Variants in ITPRID2 observed in about 807,000 individuals in gnomAD.
The protein encoded by ITPRID2 is ITPR interacting domain containing 2, also known as protein ITPRID2.
ITPRID2 carries 60 observed loss-of-function variants against 124.3 expected under a neutral mutation model. The observed-to-expected ratio is 0.48, with a 90% CI of 0.39 to 0.60. ITPRID2 has a LOEUF of 0.60. Among genes scored for constraint, ITPRID2 ranks in the 20% least tolerant of loss-of-function variants. ITPRID2 has a pLI of 0.00. For missense variants in ITPRID2, 1,553 were observed against 1,512.2 expected, an observed-to-expected ratio of 1.03 and a Z score of -0.45; for synonymous variants, 521 against 542.9, an observed-to-expected ratio of 0.96 and a Z score of 0.56.
Position 181,896,989 on chromosome 2 carries a change from T to G in ITPRID2, c.364+25T>G. 1 of 1,600,502 alleles carries G rather than the reference T, an allele frequency of 6.2e-7. No homozygotes were observed. On this transcript the variant is annotated intron_variant, in intron 4 of 17. Transcript: ENST00000431877. This position sits in a 1 kb window ranked among gnomAD's most constrained non-coding sequence, Gnocchi z 4.3. ...GGTATGTTTGTTTGGAAGAACTGTA[T>G]TTTTGTGTAGTTTTCAAATTTAAAA...
chr2:181,928,268 A>G lies in ITPRID2; in HGVS notation c.*3A>G, dbSNP rs1481253866. 2.6e-6 allele frequency: 4 copies of G among 1,519,668 alleles called. No individual in the cohort carries two copies. Among genetic ancestry groups the G allele is most frequent in the Non-Finnish European group, 2.7e-6 (3 of 1,130,122 alleles). 94.1% of individuals were successfully genotyped at this position (1,519,668 alleles called of 1,614,324 possible). A position where few individuals can be genotyped will look rare whatever the true frequency, so the allele number is the denominator to read the frequency against. On this transcript the variant is annotated 3_prime_UTR_variant, in exon 17 of 18. Transcript: ENST00000431877. Reference sequence around the variant, plus strand: ...ATTCTAAGCAAGATTATCATTAAACAGAAATTATAGGTAAATTTTTCTGAG... The same window carrying G: ...ATTCTAAGCAAGATTATCATTAAACGGAAATTATAGGTAAATTTTTCTGAG...
chr2:181,912,061 C>G (rs960870347), intron 9 of ITPRID2, among the ~76,000 whole-genome samples: 3 of 152,220 alleles, frequency 2.0e-5, no homozygotes, highest in African/African-American at 7.2e-5. Flanking sequence ...GCTGCTCACT[C>G]TGTCTTCCCT....
At chr2:181,901,622 G>A (rs1030303885) in intron 7 of ITPRID2, 144 bp from the exon 8 acceptor site, 24 of 541,912 alleles carry the variant, frequency 4.4e-5, no homozygotes, top group Non-Finnish European at 6.4e-5. Context: ...GAAGGTTTAA[G>A]TGTTAGATGA....
rs1374585457 is a variant in ITPRID2, at chr2:181,928,207, G to C, written c.3722G>C (p.Gly1241Ala). Residue 1241 changes from glycine (G) to alanine (A), a missense_variant, in exon 17 of 18, where the codon GGA (glycine) becomes GCA (alanine). By Grantham distance (60) the Gly-to-Ala change is moderately conservative. Coordinates refer to ENST00000431877, the MANE Select transcript of ITPRID2 (RefSeq NM_001130445.3). ...GAAATCAGACGGGAAATTGTAAGTG[G>C]ACTTTTGGCAGCAGTATCTTCAAGT... ...VGEIRREIVS[G>A]LLAAVSSSKA... 3 of 1,550,570 alleles carry C rather than the reference G, an allele frequency of 1.9e-6. No individual in the cohort carries two copies. The highest frequency in any genetic ancestry group is 2.7e-5 in the African/African-American group (2 of 72,990).
chr2:181,929,460 G>A (rs901456181), intron 17 of ITPRID2, 101 bp from the exon 18 acceptor site: 1 of 681,968 alleles, frequency 1.5e-6, no homozygotes, highest in Non-Finnish European at 2.5e-6. Flanking sequence ...TCATGTTTCT[G>A]TGTATATATA....
At chr2:181,914,893 G>C (rs1159893174) in intron 10 of ITPRID2, among the ~76,000 whole-genome samples, 1 of 152,170 alleles carries the variant, frequency 6.6e-6, no homozygotes, top group East Asian at 1.9e-4. Context: ...ATACAAGGAA[G>C]TTTTTAGATG....
At chr2:181,928,136 T>C (rs979924072) in intron 16 of ITPRID2, 25 bp from the exon 17 acceptor site, 3 of 1,430,096 alleles carry the variant, frequency 2.1e-6, no homozygotes, top group Non-Finnish European at 1.9e-6. Context: ...TGGTAAATTT[T>C]TGTTTTATTG....
In ITPRID2 at chr2:181,909,881, C is replaced by A; in HGVS notation, c.1414-18C>A. The A allele has an allele frequency of 6.2e-7, 1 of 1,604,354 alleles. No homozygotes were observed. Among genetic ancestry groups the A allele is most frequent in the Non-Finnish European group, 8.5e-7 (1 of 1,171,868 alleles). ...CCTTAGATTCATTTGGTTTTAACTA[C>A]TTAAAACTCTTCTTAAGGTTCAAAG... On this transcript the variant is annotated intron_variant, in intron 8 of 17. Coordinates refer to ENST00000431877, the MANE Select transcript of ITPRID2 (RefSeq NM_001130445.3).
chr2:181,919,176 A>C lies in ITPRID2; in HGVS notation c.2994-120A>C. On this transcript the variant is annotated intron_variant, in intron 13 of 17. Transcript: ENST00000431877. This position sits in a 1 kb window ranked among gnomAD's most constrained non-coding sequence, Gnocchi z 4.2. ...CACCTATTGTAGTTGATATTGTACT[A>C]ATTTCTAGAACCTGAGATTTCCATG... 1.7e-6 allele frequency: 2 copies of C among 1,162,666 alleles called. No individual in the cohort carries two copies. The highest frequency in any genetic ancestry group is 2.5e-6 in the Non-Finnish European group (2 of 815,714). 72.0% of individuals were successfully genotyped at this position (1,162,666 alleles called of 1,614,324 possible).
In ITPRID2 at chr2:181,904,631, G is replaced by A. The variant is rs141169450; in HGVS notation, c.1413+2165G>A. ...GTAGTTTGTTGCTATTTTTCTTTTG[G>A]ACCTCTTTCCATGAGGTTTGATTCT... On this transcript the variant is annotated intron_variant, in intron 8 of 17. Coordinates refer to ENST00000431877, the MANE Select transcript of ITPRID2 (RefSeq NM_001130445.3). Among the ~76,000 whole-genome samples, 545 of 152,162 alleles carry A rather than the reference G, an allele frequency of 3.6e-3. 2 individuals are homozygous for A. Among genetic ancestry groups the A allele is most frequent in the Middle Eastern group, 6.8e-3 (2 of 294 alleles).
At chr2:181,895,989 C>T in intron 2 of ITPRID2, 41 bp from the exon 3 acceptor site, 2 of 1,574,214 alleles carry the variant, frequency 1.3e-6, no homozygotes, top group South Asian at 1.1e-5. Flanking sequence ...TTCCAAATAG[C>T]CTTTCACAAG....
At position 181,922,233 on chromosome 2, in the gene ITPRID2, G is replaced by A; in HGVS notation, c.3496G>A (p.Val1166Met). Reference sequence around the variant, plus strand: ...AACAGCTCCTTCTAGAACAGGCTCTGTGCAGACACCTCCAGATTTGGAAAG... The same window carrying A: ...AACAGCTCCTTCTAGAACAGGCTCTATGCAGACACCTCCAGATTTGGAAAG... ...TPTAPSRTGS[V>M]QTPPDLESSE... is the part of the protein sequence containing the mutation. Residue 1166 changes from valine (V) to methionine (M), a missense_variant, in exon 16 of 18, where the codon GTG becomes ATG. Physicochemically the swap from Val to Met is conservative, Grantham distance 21. Transcript: ENST00000431877. The A allele has an allele frequency of 6.2e-7, 1 of 1,614,238 alleles. No homozygotes were observed. Among genetic ancestry groups the A allele is most frequent in the African/African-American group, 1.3e-5 (1 of 75,056 alleles).
Position 181,929,680 on chromosome 2 carries a change from C to T in ITPRID2, c.*133C>T. On this transcript the variant is annotated 3_prime_UTR_variant, in exon 18 of 18. Transcript: ENST00000431877. ...GAGCTGGGCTACTGTATACAGTGTA[C>T]AATGTGTATTTCTTCAACCATATAT... The T allele has an allele frequency of 2.0e-6, 3 of 1,482,306 alleles. No individual in the cohort carries two copies. Among genetic ancestry groups the T allele is most frequent in the Non-Finnish European group, 2.8e-6 (3 of 1,081,958 alleles). The allele number at this position is 1,482,306 out of a possible 1,614,324, so 91.8% of individuals were successfully genotyped here.
In ITPRID2 at chr2:181,916,075, C is replaced by G; in HGVS notation, c.2435C>G (p.Ala812Gly). The G allele has an allele frequency of 6.2e-7, 1 of 1,614,112 alleles. No individual in the cohort carries two copies. Among genetic ancestry groups the G allele is most frequent in the Non-Finnish European group, 8.5e-7 (1 of 1,180,020 alleles). The change falls in exon 11 of 18, where the codon GCC becomes GGC. Residue 812 changes from alanine (A) to glycine (G), a missense_variant. Coordinates refer to ENST00000431877, the MANE Select transcript of ITPRID2 (RefSeq NM_001130445.3). Reference protein sequence around the residue: ...ISPSSVKKEEAPQSEAPRVEE... With the variant: ...ISPSSVKKEEGPQSEAPRVEE... The stretch of plus-strand genomic sequence containing the variant: ...CCATCATCTGTGAAGAAAGAAGAAG[C>G]CCCCCAGAGTGAGGCGCCGCGGGTG...
chr2:181,892,549 C>A lies in ITPRID2; in HGVS notation c.212-66C>A. 1 of 1,596,814 alleles carries A rather than the reference C, an allele frequency of 6.3e-7. No homozygotes were observed. Among genetic ancestry groups the A allele is most frequent in the Non-Finnish European group, 8.6e-7 (1 of 1,164,388 alleles). On this transcript the variant is annotated intron_variant, in intron 1 of 17. Coordinates refer to ENST00000431877, the MANE Select transcript of ITPRID2 (RefSeq NM_001130445.3). The surrounding 1 kb of genome is among the most constrained non-coding windows in gnomAD (Gnocchi z 5.2). ...GGTAGATTTTCCTACTTGGGAGGGT[C>A]CAGGGTGACTCCGCCGTCGTAGTGC...
chr2:181,892,374 G>A lies in ITPRID2; in HGVS notation c.211+97G>A. On this transcript the variant is annotated intron_variant, in intron 1 of 17. Coordinates refer to ENST00000431877, the MANE Select transcript of ITPRID2 (RefSeq NM_001130445.3). This position sits in a 1 kb window ranked among gnomAD's most constrained non-coding sequence, Gnocchi z 5.2. The stretch of plus-strand genomic sequence containing the variant: ...GCCACGAGTTCTGGGAGAGCCTCGG[G>A]CACGGTAGGCCGAGGGGAGAGGGGA... 1.5e-6 allele frequency: 2 copies of A among 1,363,350 alleles called. No individual in the cohort carries two copies. The highest frequency in any genetic ancestry group is 9.8e-7 in the Non-Finnish European group (1 of 1,015,858). 84.5% of individuals were successfully genotyped at this position (1,363,350 alleles called of 1,614,324 possible).
At chr2:181,927,450 G>A (rs557046000) in intron 16 of ITPRID2, among the ~76,000 whole-genome samples, 5 of 152,304 alleles carry the variant, frequency 3.3e-5, no homozygotes, top group African/African-American at 9.6e-5. Context: ...TGATGGAATT[G>A]TCATTTCCTC....
rs1694831202 is a variant in ITPRID2 at position 181,926,179 on chromosome 2, A to C, written c.3676-1982A>C. On this transcript the variant is annotated intron_variant, in intron 16 of 17. Coordinates refer to ENST00000431877, the MANE Select transcript of ITPRID2 (RefSeq NM_001130445.3). ...TGCAGGAGGCTGAGGCAGGAGAATTACTTGAACGTGGGAGGCAGAGGTTGC... is the reference window on the plus strand; with the variant it reads ...TGCAGGAGGCTGAGGCAGGAGAATTCCTTGAACGTGGGAGGCAGAGGTTGC... Among the ~76,000 whole-genome samples the C allele has an allele frequency of 2.0e-5, 3 of 151,544 alleles. No homozygotes were observed. In the South Asian group the frequency reaches 6.3e-4, roughly 32 times the overall value.
Position 181,901,717 on chromosome 2 carries a change from T to C in ITPRID2, c.713-49T>C, listed in dbSNP as rs111542137. The C allele has an allele frequency of 5.3e-5, 68 of 1,277,372 alleles. 3 individuals are homozygous for C. In the African/African-American group the frequency reaches 6.1e-4, roughly 11 times the overall value. 79.1% of individuals were successfully genotyped at this position (1,277,372 alleles called of 1,614,324 possible). A position where few individuals can be genotyped will look rare whatever the true frequency, so the allele number is the denominator to read the frequency against. ...ATAATATGCATTTAATATATGTGTA[T>C]GTATATATATAAATATAAACATATC... is the stretch of plus-strand genomic sequence containing the variant. On this transcript the variant is annotated intron_variant, in intron 7 of 17. Transcript: ENST00000431877.
Sources: allele counts gnomAD v4.1 joint callset (sites outside exome capture counted in the v4.1 genomes callset), GRCh38; gene constraint gnomAD v4.1.1; non-coding constraint Gnocchi (gnomAD v3.1); transcripts MANE v1.5; gene names NCBI Gene and HGNC (gene_info 2026-07-23, HGNC 2026-07-21).